The following GABRG3 variants were observed in gnomAD, a reference collection of about 807,000 sequenced individuals.
The protein encoded by GABRG3 is gamma-aminobutyric acid type A receptor subunit gamma3, also known as gamma-aminobutyric acid receptor subunit gamma-3.
A neutral mutation model predicts 48.8 loss-of-function variants in GABRG3; 25 were observed. That is an observed-to-expected ratio of 0.51 (90% CI 0.37 to 0.72). The LOEUF (loss-of-function observed/expected upper bound fraction) is 0.72, where lower values mean the gene tolerates loss of function less well. Among genes scored for constraint, GABRG3 ranks in the 30% least tolerant of loss-of-function variants. The pLI, the probability that GABRG3 is intolerant of heterozygous loss-of-function variation, is 0.00. For synonymous variants in GABRG3, 227 were observed against 217.6 expected (o/e 1.04, Z -0.38); for missense variants, 394 against 577.9 (o/e 0.68, Z 3.26).
intron 3 of GABRG3, among the ~76,000 whole-genome samples, chr15:27,233,182 A>C (rs895456005): frequency 6.6e-6 from 1 of 152,150 alleles, no homozygotes; most frequent in African/African-American, 2.4e-5. Flanking sequence ...CCTGGAGGAC[A>C]GGGGCTGTGT....
intron 3 of GABRG3, among the ~76,000 whole-genome samples, chr15:27,192,012 T>C (rs2140423170): frequency 1.3e-5 from 2 of 152,300 alleles, no homozygotes; most frequent in East Asian, 1.9e-4. Flanking sequence ...TATGAAATTC[T>C]GGGTTGAAAA....
At chr15:27,416,960 A>T (rs1331645891) in intron 5 of GABRG3, among the ~76,000 whole-genome samples, 4 of 152,232 alleles carry the variant, frequency 2.6e-5, no homozygotes, top group African/African-American at 4.8e-5. Flanking sequence ...AATCATTGGA[A>T]ATGACTTAAA....
chr15:27,404,083 T>G (rs1887560924), intron 5 of GABRG3, among the ~76,000 whole-genome samples: 1 of 151,904 alleles, frequency 6.6e-6, no homozygotes, highest in Admixed American at 6.6e-5. Flanking sequence ...TAGCCACGTG[T>G]GGTGGCAGGT....
chr15:27,192,914 T>G (rs1163450423), intron 3 of GABRG3, among the ~76,000 whole-genome samples: 1 of 152,032 alleles, frequency 6.6e-6, no homozygotes, highest in East Asian at 1.9e-4. Context: ...TCCTTTCTGT[T>G]TGTTAGTTTT....
rs200812058 is a variant in GABRG3, at chr15:27,341,012, A to C, written c.574+12124A>C. Reference sequence around the variant, plus strand: ...GAAAGAAGGGCAAGATGGCTGGAACACTGTGCTGAGAAATAAACAGACTTC... The same window carrying C: ...GAAAGAAGGGCAAGATGGCTGGAACCCTGTGCTGAGAAATAAACAGACTTC... On this transcript the variant is annotated intron_variant, in intron 5 of 9. Coordinates refer to ENST00000615808, the MANE Select transcript of GABRG3 (RefSeq NM_033223.5). 1,816 of 511,732 alleles carry C rather than the reference A, an allele frequency of 3.5e-3. 5 individuals carry two copies. Among genetic ancestry groups the C allele is most frequent in the Non-Finnish European group, 5.5e-3 (1,409 of 256,176 alleles). 31.7% of individuals were successfully genotyped at this position (511,732 alleles called of 1,614,324 possible).
In GABRG3 at chr15:27,348,946, G is replaced by A. The variant is rs573517356; in HGVS notation, c.574+20058G>A. ...ACATATATGTTTGAGAAAAATCAGC[G>A]TGTAGTGGGACACAGGAAGAACTGG... is the stretch of plus-strand genomic sequence containing the variant. On this transcript the variant is annotated intron_variant, in intron 5 of 9. Coordinates refer to ENST00000615808, the MANE Select transcript of GABRG3 (RefSeq NM_033223.5). 1.4e-4 allele frequency among the ~76,000 whole-genome samples: 22 copies of A among 152,276 alleles called. No individual in the cohort carries two copies. In the Middle Eastern group the frequency reaches 0.01, roughly 71 times the overall value.
intron 5 of GABRG3, among the ~76,000 whole-genome samples, chr15:27,463,305 A>G (rs1040761138): frequency 2.0e-5 from 3 of 152,270 alleles, no homozygotes; most frequent in Non-Finnish European, 4.4e-5. Context: ...AACAAGTACT[A>G]TAAGATAGGC....
rs1450884491 is a variant in GABRG3, at chr15:27,391,425, C to A, written c.574+62537C>A. 2.6e-5 allele frequency among the ~76,000 whole-genome samples: 4 copies of A among 152,034 alleles called. No homozygotes were observed. In the East Asian group the frequency reaches 7.7e-4, roughly 29 times the overall value. On this transcript the variant is annotated intron_variant, in intron 5 of 9. Transcript: ENST00000615808. ...GGTAATGTAGAACTACAAAAGACTT[C>A]AGAACTTAGTTCTGCACTTCATTTT...
chr15:27,533,083 C>G lies in GABRG3; in HGVS notation c.*202C>G. ...ACACACACACATACATACACACACA[C>G]AGCTAATTGAGTTTTAAAGTAATAT... On this transcript the variant is annotated 3_prime_UTR_variant, in exon 10 of 10. Coordinates refer to ENST00000615808, the MANE Select transcript of GABRG3 (RefSeq NM_033223.5). 1.9e-6 allele frequency: 1 copy of G among 535,946 alleles called. No individual in the cohort carries two copies. Among genetic ancestry groups the G allele is most frequent in the Non-Finnish European group, 3.3e-6 (1 of 303,078 alleles). The allele number at this position is 535,946 out of a possible 1,614,324, so 33.2% of individuals were successfully genotyped here. A position where few individuals can be genotyped will look rare whatever the true frequency, so the allele number is the denominator to read the frequency against.
At chr15:27,381,184 G>T (rs1025573455) in intron 5 of GABRG3, among the ~76,000 whole-genome samples, 1 of 152,164 alleles carries the variant, frequency 6.6e-6, no homozygotes, top group Non-Finnish European at 1.5e-5. Flanking sequence ...GGCTAGAGGG[G>T]GCTGGAGTTG....
At chr15:27,125,365 G>A (rs1897801819) in intron 3 of GABRG3, among the ~76,000 whole-genome samples, 1 of 152,044 alleles carries the variant, frequency 6.6e-6, no homozygotes, top group South Asian at 2.1e-4. Context: ...GAGGAGGAGA[G>A]GGTGGGGAGA....
At chr15:27,497,828 T>G (rs1452140354) in intron 6 of GABRG3, among the ~76,000 whole-genome samples, 2 of 152,168 alleles carry the variant, frequency 1.3e-5, no homozygotes, top group Non-Finnish European at 2.9e-5. Context: ...TTTTCCCCTG[T>G]GTGTGCTACA....
rs1891472360 is a variant in GABRG3 at position 27,533,218 on chromosome 15, G to C, written c.*337G>C. ...AAAGAAATCTGTAAAATGTGCACGT[G>C]AATGTCTGAGATGCTCTCTCAGGCC... On this transcript the variant is annotated 3_prime_UTR_variant, in exon 10 of 10. Coordinates refer to ENST00000615808, the MANE Select transcript of GABRG3 (RefSeq NM_033223.5). 3.7e-6 allele frequency: 1 copy of C among 268,424 alleles called. No individual in the cohort carries two copies. The highest frequency in any genetic ancestry group is 7.1e-6 in the Non-Finnish European group (1 of 139,866). 16.6% of individuals were successfully genotyped at this position (268,424 alleles called of 1,614,324 possible).
intron 3 of GABRG3, among the ~76,000 whole-genome samples, chr15:27,051,288 A>AT (rs972136637): frequency 6.6e-6 from 1 of 151,994 alleles, no homozygotes; most frequent in Non-Finnish European, 1.5e-5. Context: ...TATTGATTTT[A>AT]TTTTTTTTAT....
At chr15:27,078,652 C>T (rs12438015) in intron 3 of GABRG3, among the ~76,000 whole-genome samples, 33,105 of 152,066 alleles carry the variant, frequency 0.22, 3,747 homozygotes, top group East Asian at 0.35. Context: ...AGGGGCTCCT[C>T]GTCTTTAAAG....
chr15:27,210,417 T>C (rs1010081131), intron 3 of GABRG3, among the ~76,000 whole-genome samples: 29 of 152,352 alleles, frequency 1.9e-4, no homozygotes, highest in African/African-American at 7.0e-4. Flanking sequence ...CCTGCTATTG[T>C]CCTCCTGGCT....
intron 3 of GABRG3, among the ~76,000 whole-genome samples, chr15:27,141,114 T>C (rs1898094655): frequency 6.6e-6 from 1 of 152,162 alleles, no homozygotes; most frequent in African/African-American, 2.4e-5. Context: ...GATAGAAGCT[T>C]AGCTTTTGAC....
chr15:27,231,385 T>C (rs1595600800), intron 3 of GABRG3, among the ~76,000 whole-genome samples: 1 of 152,166 alleles, frequency 6.6e-6, no homozygotes, highest in Non-Finnish European at 1.5e-5. Context: ...AGCAGCAAGG[T>C]TTTCTTTGCA....
intron 2 of GABRG3, among the ~76,000 whole-genome samples, chr15:26,998,006 T>C (rs76898733): frequency 0.064 from 9,717 of 152,280 alleles, 354 homozygotes; most frequent in East Asian, 0.18. Context: ...ACAATCTTTA[T>C]TGATGTATTT....
Sources: allele counts gnomAD v4.1 joint callset (sites outside exome capture counted in the v4.1 genomes callset), GRCh38; gene constraint gnomAD v4.1.1; transcripts MANE v1.5; gene names NCBI Gene and HGNC (gene_info 2026-07-23, HGNC 2026-07-21).